LRRC3B: variants seen among roughly 807,000 people sequenced by gnomAD.
LRRC3B encodes leucine rich repeat containing 3B, also known as leucine-rich repeat-containing protein 3B.
Under a neutral mutation model 12.8 loss-of-function variants are expected in LRRC3B, and 2 were observed. The ratio of observed to expected loss-of-function variants is 0.16; its 90% confidence interval spans 0.06 to 0.49. The LOEUF is 0.49. LRRC3B is among the 20% of genes least tolerant of loss of function. The probability of loss-of-function intolerance (pLI) is 0.96; values close to 1 mark genes in which losing one functional copy is unlikely to be tolerated. For missense variants in LRRC3B, 189 were observed against 319.4 expected (o/e 0.59, Z 3.11); for synonymous variants, 132 against 122.0 (o/e 1.08, Z -0.54).
chr3:26,686,963 C>T (rs566185088), intron 1 of LRRC3B, among the ~76,000 whole-genome samples: 11 of 152,280 alleles, frequency 7.2e-5, no homozygotes, highest in South Asian at 6.2e-4. Flanking sequence ...CAAAGTGTCT[C>T]TCTGCCACAG....
chr3:26,649,790 A>G (rs1050497350), intron 1 of LRRC3B, among the ~76,000 whole-genome samples: 2 of 152,124 alleles, frequency 1.3e-5, no homozygotes, highest in Admixed American at 6.5e-5. Context: ...AGGCCACCCT[A>G]TGGGCCCGTT....
chr3:26,705,924 C>G (rs1700575052), intron 1 of LRRC3B, among the ~76,000 whole-genome samples: 1 of 152,152 alleles, frequency 6.6e-6, no homozygotes, highest in Non-Finnish European at 1.5e-5. Context: ...CTTCCATCCT[C>G]CCTGGTGAAG....
At chr3:26,695,127 G>A (rs1299885329) in intron 1 of LRRC3B, among the ~76,000 whole-genome samples, 2 of 152,054 alleles carry the variant, frequency 1.3e-5, no homozygotes, top group Non-Finnish European at 2.9e-5. Flanking sequence ...ATATGTATTT[G>A]ACAACTTTTT....
exon 2 of LRRC3B, chr3:26,710,412 A>C: frequency 6.2e-7 from 1 of 1,613,546 alleles, no homozygotes; most frequent in Non-Finnish European, 8.5e-7. Context: ...AGCAGGCAGA[A>C]GAAAGCAGAT....
intron 1 of LRRC3B, among the ~76,000 whole-genome samples, chr3:26,643,676 C>G (rs1347973878): frequency 6.6e-6 from 1 of 152,170 alleles, no homozygotes; most frequent in Non-Finnish European, 1.5e-5. Context: ...CCATCACTGT[C>G]AGAGTTTGGC....
At chr3:26,645,460 T>C (rs1370012461) in intron 1 of LRRC3B, among the ~76,000 whole-genome samples, 1 of 152,164 alleles carries the variant, frequency 6.6e-6, no homozygotes, top group African/African-American at 2.4e-5. Context: ...GGATTCTAGA[T>C]TGCATAGACT....
intron 1 of LRRC3B, among the ~76,000 whole-genome samples, chr3:26,694,926 G>C (rs1700273539): frequency 6.6e-6 from 1 of 152,116 alleles, no homozygotes; most frequent in African/African-American, 2.4e-5. Context: ...TATAGAAAAT[G>C]ATATAAGGTA....
intron 1 of LRRC3B, chr3:26,694,796 A>G (rs1374735863): frequency 6.6e-6 from 1 of 152,154 alleles, no homozygotes; most frequent in African/African-American, 2.4e-5. Flanking sequence ...TGTCTCATAT[A>G]CTTTCCTATC....
At position 26,671,413 on chromosome 3, in the gene LRRC3B, G is replaced by GAGAGAGAGAC. The variant is rs9331540; in HGVS notation, c.-160-38099_-160-38098insGAGAGAGACA. On this transcript the variant is annotated intron_variant, in intron 1 of 1. Coordinates refer to ENST00000396641, the Ensembl canonical transcript of LRRC3B. ...AGAGAGAGAGAGAGAGAGAGAGAGA[G>GAGAGAGAGAC]ACGAAGTCTTGCTCTGTCGCCAGGC... is the stretch of plus-strand genomic sequence containing the variant. 6.9e-3 allele frequency among the ~76,000 whole-genome samples: 683 copies of GAGAGAGAGAC among 99,210 alleles called. 63 individuals are homozygous for GAGAGAGAGAC. The highest frequency in any genetic ancestry group is 7.6e-3 in the South Asian group (23 of 3,024). The allele number at this position is 99,210 out of a possible 152,430, so 65.1% of individuals were successfully genotyped here.
intron 1 of LRRC3B, among the ~76,000 whole-genome samples, chr3:26,672,105 T>C (rs550391937): frequency 6.6e-6 from 1 of 152,196 alleles, no homozygotes; most frequent in Non-Finnish European, 1.5e-5. Flanking sequence ...GCTCAGTAAC[T>C]GAGGTGTTCA....
At chr3:26,637,479 C>T (rs1373496637) in intron 1 of LRRC3B, among the ~76,000 whole-genome samples, 5 of 152,090 alleles carry the variant, frequency 3.3e-5, no homozygotes, top group Admixed American at 2.0e-4. Flanking sequence ...CTTTCCTTCA[C>T]GTGGATGGCA....
intron 1 of LRRC3B, among the ~76,000 whole-genome samples, chr3:26,626,452 C>T (rs1698627674): frequency 6.6e-6 from 1 of 152,136 alleles, no homozygotes; most frequent in African/African-American, 2.4e-5. Context: ...CCCACCCAAT[C>T]CAGACTCAGG....
chr3:26,691,974 A>G (rs920773007), intron 1 of LRRC3B, among the ~76,000 whole-genome samples: 14 of 152,324 alleles, frequency 9.2e-5, no homozygotes, highest in African/African-American at 3.4e-4. Context: ...TCGTGTTTGC[A>G]AAAGAGCTTC....
At chr3:26,669,782 A>G (rs550769818) in intron 1 of LRRC3B, among the ~76,000 whole-genome samples, 5 of 152,314 alleles carry the variant, frequency 3.3e-5, no homozygotes, top group African/African-American at 9.6e-5. Context: ...TTGGATTTCC[A>G]TAAGTGGCAT....
chr3:26,676,698 A>G (rs1286651833), intron 1 of LRRC3B, among the ~76,000 whole-genome samples: 1 of 152,202 alleles, frequency 6.6e-6, no homozygotes, highest in African/African-American at 2.4e-5. Context: ...TCAGGGATCT[A>G]GAACTAGAAA....
intron 1 of LRRC3B, among the ~76,000 whole-genome samples, chr3:26,707,773 C>A (rs1468957432): frequency 1.6e-5 from 1 of 61,412 alleles, no homozygotes; most frequent in Non-Finnish European, 2.8e-5. Flanking sequence ...CCCTTCCACA[C>A]CTGTTTTTTT....
chr3:26,677,672 A>C (rs779390473), intron 1 of LRRC3B, among the ~76,000 whole-genome samples: 1 of 152,254 alleles, frequency 6.6e-6, no homozygotes, highest in Non-Finnish European at 1.5e-5. Flanking sequence ...ACATGTATAC[A>C]TATAACACAT....
intron 1 of LRRC3B, among the ~76,000 whole-genome samples, chr3:26,646,011 A>G (rs1481326411): frequency 2.6e-5 from 4 of 152,168 alleles, no homozygotes; most frequent in Non-Finnish European, 5.9e-5. Context: ...GTGACCATAC[A>G]ATGTGGCCAA....
intron 1 of LRRC3B, among the ~76,000 whole-genome samples, chr3:26,660,507 G>A (rs1699471103): frequency 6.6e-6 from 1 of 152,088 alleles, no homozygotes; most frequent in Non-Finnish European, 1.5e-5. Context: ...TTAATAAAAG[G>A]AGAACCATCA....
Sources: allele counts gnomAD v4.1 joint callset (sites outside exome capture counted in the v4.1 genomes callset), GRCh38; gene constraint gnomAD v4.1.1; transcripts MANE v1.5; gene names NCBI Gene and HGNC (gene_info 2026-07-23, HGNC 2026-07-21).